The following SPON1 variants were observed in gnomAD, a reference collection of about 807,000 sequenced individuals.
The protein encoded by SPON1 is spondin 1.
SPON1 carries 52 observed loss-of-function variants against 111.7 expected under a neutral mutation model. The ratio of observed to expected loss-of-function variants is 0.47; its 90% CI spans 0.37 to 0.59. The LOEUF is 0.59. SPON1 is among the 20% of genes least tolerant of loss of function. The probability of loss-of-function intolerance (pLI) is 0.00; values close to 1 mark genes in which losing one functional copy is unlikely to be tolerated. For missense variants in SPON1, 957 were observed against 1,068.5 expected, an observed-to-expected ratio of 0.90 and a Z score of 1.46; for synonymous variants, 410 against 395.8, an observed-to-expected ratio of 1.04 and a Z score of -0.43.
At chr11:14,154,700 C>G (rs528428047) in intron 6 of SPON1, among the ~76,000 whole-genome samples, 3 of 152,214 alleles carry the variant, frequency 2.0e-5, no homozygotes, top group Non-Finnish European at 4.4e-5. Flanking sequence ...TTGAATTCTT[C>G]CCCAGAAAAT....
intron 5 of SPON1, among the ~76,000 whole-genome samples, chr11:14,110,603 T>C (rs910777138): frequency 6.6e-6 from 1 of 152,098 alleles, no homozygotes; most frequent in Non-Finnish European, 1.5e-5. Flanking sequence ...AACCAGGAAA[T>C]CTGATAGTGC....
At chr11:14,001,370 T>C (rs1848317623) in intron 2 of SPON1, among the ~76,000 whole-genome samples, 2 of 152,148 alleles carry the variant, frequency 1.3e-5, no homozygotes. Context: ...GCTTGAGGCA[T>C]GGGAAGGGAA....
chr11:13,977,407 A>C (rs1848111026), intron 1 of SPON1, among the ~76,000 whole-genome samples: 2 of 152,170 alleles, frequency 1.3e-5, no homozygotes, highest in African/African-American at 2.4e-5. Flanking sequence ...TGTAGATTTA[A>C]TTTTTATTTC....
At chr11:14,103,910 C>T (rs1159566964) in intron 5 of SPON1, among the ~76,000 whole-genome samples, 1 of 151,994 alleles carries the variant, frequency 6.6e-6, no homozygotes, top group Non-Finnish European at 1.5e-5. Context: ...AAATTGTATA[C>T]TTATTAATTT....
intron 2 of SPON1, among the ~76,000 whole-genome samples, chr11:14,035,089 C>T (rs1275146572): frequency 3.3e-5 from 5 of 152,194 alleles, no homozygotes; most frequent in African/African-American, 1.2e-4. Context: ...GTACTATTCA[C>T]TTTTACCAAG....
rs529815588 is a variant in SPON1 at position 14,197,687 on chromosome 11, G to A, written c.826-45645G>A. ...AAAAATTAGCTGGGCATGGTGGCAC[G>A]CACCTGTAGTCCCAGCTACTCGGGA... On this transcript the variant is annotated intron_variant, in intron 6 of 15. Transcript: ENST00000576479. Among the ~76,000 whole-genome samples, 490 of 150,534 alleles carry A rather than the reference G, an allele frequency of 3.3e-3. 1 individual carries two copies. The highest frequency in any genetic ancestry group is 0.011 in the African/African-American group (464 of 41,076).
At position 14,206,607 on chromosome 11, in the gene SPON1, T is replaced by C. The variant is rs547612628; in HGVS notation, c.826-36725T>C. 2.0e-5 allele frequency among the ~76,000 whole-genome samples: 3 copies of C among 152,308 alleles called. No homozygotes were observed. In the South Asian group the frequency reaches 6.2e-4, roughly 32 times the overall value. Reference sequence around the variant, plus strand: ...TATGAATTTTTTCTAACAATAAAAGTGTTCCTCATATTCCCATTCACAATT... The same window carrying C: ...TATGAATTTTTTCTAACAATAAAAGCGTTCCTCATATTCCCATTCACAATT... On this transcript the variant is annotated intron_variant, in intron 6 of 15. Coordinates refer to ENST00000576479, the MANE Select transcript of SPON1 (RefSeq NM_006108.4).
At chr11:14,092,603 A>C (rs1363235066) in intron 5 of SPON1, among the ~76,000 whole-genome samples, 1 of 152,294 alleles carries the variant, frequency 6.6e-6, no homozygotes, top group African/African-American at 2.4e-5. Context: ...ATTGGAGCAC[A>C]GTGTTCTCTC....
chr11:14,036,817 T>C (rs1848597787), intron 2 of SPON1, among the ~76,000 whole-genome samples: 1 of 150,476 alleles, frequency 6.6e-6, no homozygotes, highest in Non-Finnish European at 1.5e-5. Context: ...TGGGGGAAGT[T>C]GGGGGAGGGC....
chr11:13,981,186 G>T (rs1848141152), intron 1 of SPON1, among the ~76,000 whole-genome samples: 1 of 152,144 alleles, frequency 6.6e-6, no homozygotes, highest in Non-Finnish European at 1.5e-5. Flanking sequence ...CAGTGGAGAA[G>T]GCAAATCAAC....
At chr11:13,991,645 G>A (rs1848231336) in intron 2 of SPON1, among the ~76,000 whole-genome samples, 1 of 152,154 alleles carries the variant, frequency 6.6e-6, no homozygotes, top group Non-Finnish European at 1.5e-5. Context: ...ATCCTTTGTA[G>A]GATAAGCGGC....
chr11:14,152,795 G>A lies in SPON1; in HGVS notation c.825+17227G>A, dbSNP rs140374093. Among the ~76,000 whole-genome samples the A allele has an allele frequency of 1.5e-3, 229 of 152,304 alleles. 1 individual carries two copies. Among genetic ancestry groups the A allele is most frequent in the African/African-American group, 5.3e-3 (221 of 41,564 alleles). Reference sequence around the variant, plus strand: ...GAATCAATGCAAATATAAAGGATGTGTTTATTGGCTTGTGATCTGTATTCA... The same window carrying A: ...GAATCAATGCAAATATAAAGGATGTATTTATTGGCTTGTGATCTGTATTCA... On this transcript the variant is annotated intron_variant, in intron 6 of 15. Coordinates refer to ENST00000576479, the MANE Select transcript of SPON1 (RefSeq NM_006108.4).
In SPON1 at chr11:14,130,470, A is replaced by C. The variant is rs114938497; in HGVS notation, c.677-4950A>C. ...TGTCTCTGTGTTGTGTTTGTTCTCA[A>C]ACCCCCTTATACCAGTTATTCTGAC... On this transcript the variant is annotated intron_variant, in intron 5 of 15. Coordinates refer to ENST00000576479, the MANE Select transcript of SPON1 (RefSeq NM_006108.4). Among the ~76,000 whole-genome samples, 5 of 152,206 alleles carry C rather than the reference A, an allele frequency of 3.3e-5. No homozygotes were observed. The East Asian group carries it at 9.7e-4, about 29-fold the overall frequency.
chr11:14,072,454 G>A (rs782516458), intron 3 of SPON1, among the ~76,000 whole-genome samples: 6 of 151,924 alleles, frequency 3.9e-5, no homozygotes, highest in Non-Finnish European at 5.9e-5. Context: ...TTTACAGTAG[G>A]AGGAAGAAGA....
At chr11:14,250,500 T>TA (rs1849042126) in intron 7 of SPON1, among the ~76,000 whole-genome samples, 2 of 152,134 alleles carry the variant, frequency 1.3e-5, no homozygotes, top group African/African-American at 2.4e-5. Context: ...TGTATAGTCC[T>TA]TATCTATAGT....
At chr11:14,230,003 G>A (rs1452509559) in intron 6 of SPON1, among the ~76,000 whole-genome samples, 2 of 148,388 alleles carry the variant, frequency 1.3e-5, no homozygotes, top group East Asian at 4.0e-4. Flanking sequence ...CAAATTCCTA[G>A]AACGGACACC....
intron 6 of SPON1, among the ~76,000 whole-genome samples, chr11:14,235,993 G>A (rs1305719726): frequency 6.6e-6 from 1 of 152,152 alleles, no homozygotes; most frequent in African/African-American, 2.4e-5. Flanking sequence ...CCCAGGTTGT[G>A]GAAGAGTAGT....
intron 3 of SPON1, among the ~76,000 whole-genome samples, chr11:14,058,266 G>A (rs1248328032): frequency 6.6e-6 from 1 of 152,102 alleles, no homozygotes; most frequent in Non-Finnish European, 1.5e-5. Flanking sequence ...TGTATACTAA[G>A]CACCTTCATC....
rs115660905 is a variant in SPON1, at chr11:14,008,100, A to G, written c.345+25147A>G. On this transcript the variant is annotated intron_variant, in intron 2 of 15. Transcript: ENST00000576479. ...GTATCTGCAGGTTCTGCATCCACTG[A>G]TTCAGCCAAAAATATTGGAAAAATA... Among the ~76,000 whole-genome samples, 211 of 152,332 alleles carry G rather than the reference A, an allele frequency of 1.4e-3. 2 individuals are homozygous for G. The highest frequency in any genetic ancestry group is 4.9e-3 in the African/African-American group (203 of 41,574).
Sources: gnomAD v4.1 joint callset for allele counts (sites outside exome capture counted in the v4.1 genomes callset) on GRCh38, gnomAD v4.1.1 for gene constraint, MANE v1.5 for transcripts, NCBI Gene and HGNC (gene_info 2026-07-23, HGNC 2026-07-21) for gene names.